CTNNA3: variants seen among roughly 807,000 people sequenced by gnomAD.
The protein encoded by CTNNA3 is catenin alpha-3.
A neutral mutation model predicts 95.7 loss-of-function variants in CTNNA3; 76 were observed. That is an observed-to-expected ratio of 0.79 (90% CI 0.66 to 0.96). The LOEUF (loss-of-function observed/expected upper bound fraction) is 0.96, where lower values mean the gene tolerates loss of function less well. CTNNA3 is among the 40% of genes least tolerant of loss of function. The probability of loss-of-function intolerance (pLI) is 0.00; values close to 1 mark genes in which losing one functional copy is unlikely to be tolerated. For missense variants in CTNNA3, 1,191 were observed against 1,089.8 expected (o/e 1.09, Z -1.31); for synonymous variants, 431 against 374.4 (o/e 1.15, Z -1.74).
chr10:67,466,165 C>T (rs1847585903), intron 5 of CTNNA3, among the ~76,000 whole-genome samples: 1 of 152,126 alleles, frequency 6.6e-6, no homozygotes, highest in Non-Finnish European at 1.5e-5. Context: ...AAAATTTTCT[C>T]TCTTCATCTG....
intron 1 of CTNNA3, among the ~76,000 whole-genome samples, chr10:67,676,351 A>G (rs774682300): frequency 2.5e-4 from 38 of 152,324 alleles, no homozygotes; most frequent in Middle Eastern, 3.4e-3. Flanking sequence ...AAACTTTCAC[A>G]GAACTGAACA....
At chr10:65,954,343 T>C (rs1268567858) in intron 17 of CTNNA3, among the ~76,000 whole-genome samples, 1 of 152,242 alleles carries the variant, frequency 6.6e-6, no homozygotes. Flanking sequence ...GGTTGCCTGC[T>C]CACTCTGATG....
chr10:67,446,060 A>C (rs1398313044), intron 5 of CTNNA3, among the ~76,000 whole-genome samples: 1 of 152,222 alleles, frequency 6.6e-6, no homozygotes, highest in Non-Finnish European at 1.5e-5. Flanking sequence ...CTTTCATTCA[A>C]CAAACGCGAG....
At chr10:67,762,144 A>C (rs1841464689) in intron 1 of CTNNA3, among the ~76,000 whole-genome samples, 1 of 151,252 alleles carries the variant, frequency 6.6e-6, no homozygotes, top group African/African-American at 2.4e-5. Flanking sequence ...GGGAATCAAC[A>C]ATTTTGATCT....
At chr10:67,426,171 A>G (rs1336677010) in intron 5 of CTNNA3, among the ~76,000 whole-genome samples, 3 of 152,096 alleles carry the variant, frequency 2.0e-5, no homozygotes, top group African/African-American at 7.2e-5. Context: ...TTGAACTAAC[A>G]TATGAAGAGA....
chr10:67,528,062 T>C (rs1224276363), intron 4 of CTNNA3, among the ~76,000 whole-genome samples: 1 of 152,222 alleles, frequency 6.6e-6, no homozygotes, highest in Non-Finnish European at 1.5e-5. Flanking sequence ...TGGCTCCTTC[T>C]GACTCTTTTT....
At chr10:66,924,678 C>T (rs899971532) in intron 7 of CTNNA3, among the ~76,000 whole-genome samples, 6 of 152,246 alleles carry the variant, frequency 3.9e-5, no homozygotes, top group Non-Finnish European at 7.4e-5. Context: ...ATATTCAGTA[C>T]GTAATCCTAG....
At chr10:67,226,611 A>G (rs1186798794) in intron 5 of CTNNA3, among the ~76,000 whole-genome samples, 1 of 152,208 alleles carries the variant, frequency 6.6e-6, no homozygotes, top group Non-Finnish European at 1.5e-5. Flanking sequence ...AGAATTTTGT[A>G]TCCAGTGAAA....
intron 3 of CTNNA3, among the ~76,000 whole-genome samples, chr10:67,594,240 G>A (rs1280278285): frequency 1.3e-5 from 2 of 152,132 alleles, no homozygotes; most frequent in Non-Finnish European, 2.9e-5. Flanking sequence ...TCTCTGCCAG[G>A]TTTTGGTGTC....
chr10:66,349,114 G>A (rs1248717210), intron 12 of CTNNA3, among the ~76,000 whole-genome samples: 1 of 152,056 alleles, frequency 6.6e-6, no homozygotes, highest in African/African-American at 2.4e-5. Context: ...TGTCCTGATG[G>A]AGTCTCTCTC....
chr10:66,297,273 G>A (rs2091794366), intron 12 of CTNNA3, among the ~76,000 whole-genome samples: 1 of 152,004 alleles, frequency 6.6e-6, no homozygotes, highest in Non-Finnish European at 1.5e-5. Context: ...CGGATCTACA[G>A]ATTCCACATA....
intron 5 of CTNNA3, among the ~76,000 whole-genome samples, chr10:67,422,374 G>A (rs1254692984): frequency 6.6e-6 from 1 of 152,168 alleles, no homozygotes; most frequent in Non-Finnish European, 1.5e-5. Context: ...AAGGAAGAGA[G>A]AGAGAATGAG....
intron 3 of CTNNA3, among the ~76,000 whole-genome samples, chr10:67,568,232 G>GTT (rs61503691): frequency 0.017 from 2,527 of 145,388 alleles, 59 homozygotes; most frequent in African/African-American, 0.05. Context: ...GCTACAGACT[G>GTT]TTTTTTTTTT....
rs534944482 is a variant in CTNNA3, at chr10:67,265,668, A to G, written c.580-45798T>C. 8.3e-4 allele frequency among the ~76,000 whole-genome samples: 126 copies of G among 152,310 alleles called. 1 individual carries two copies. Among genetic ancestry groups the G allele is most frequent in the African/African-American group, 3.0e-3 (123 of 41,578 alleles). On this transcript the variant is annotated intron_variant, in intron 5 of 17. Coordinates refer to ENST00000433211, the MANE Select transcript of CTNNA3 (RefSeq NM_013266.4). ...GGATAAATTTAACTGGAGTAGCTCA[A>G]CACTCAGAGACATCAGGTACTGTGA...
chr10:67,761,292 GCCA>G lies in CTNNA3; in HGVS notation c.-2+2139_-2+2141del, dbSNP rs370759711. 1.3e-3 allele frequency among the ~76,000 whole-genome samples: 191 copies of G among 152,238 alleles called. 4 individuals are homozygous for G. In the East Asian group the frequency reaches 0.03, roughly 24 times the overall value. On this transcript the variant is annotated intron_variant, in intron 1 of 17. Transcript: ENST00000684154. ...GTGAACTTGGGCAAGCTATTCATGG[GCCA>G]CGGTTTCCTGCCTGTAGATGAAGAG...
intron 9 of CTNNA3, among the ~76,000 whole-genome samples, chr10:66,689,982 G>A (rs1847456495): frequency 6.6e-6 from 1 of 152,074 alleles, no homozygotes; most frequent in Admixed American, 6.6e-5. Context: ...GGAAATTTCT[G>A]AAAATAGAAC....
chr10:66,722,100 C>A (rs939143194), intron 9 of CTNNA3, among the ~76,000 whole-genome samples: 1 of 152,066 alleles, frequency 6.6e-6, no homozygotes, highest in South Asian at 2.1e-4. Context: ...TGCTAAAGGC[C>A]GGGTGCGGTG....
chr10:66,817,282 C>T lies in CTNNA3; in HGVS notation c.1048-41758G>A, dbSNP rs141606501. Among the ~76,000 whole-genome samples the T allele has an allele frequency of 4.2e-3, 626 of 149,172 alleles. 5 individuals carry two copies. The highest frequency in any genetic ancestry group is 0.014 in the African/African-American group (569 of 41,388). On this transcript the variant is annotated intron_variant, in intron 7 of 17. Coordinates refer to ENST00000433211, the MANE Select transcript of CTNNA3 (RefSeq NM_013266.4). ...AACAAGTTAGCAAAAGAAGAGCAAACTAAACCCAAATCAAGAAAATAATAA... is the reference window on the plus strand; with the variant it reads ...AACAAGTTAGCAAAAGAAGAGCAAATTAAACCCAAATCAAGAAAATAATAA...
chr10:66,868,597 A>G (rs1160157619), intron 7 of CTNNA3, among the ~76,000 whole-genome samples: 1 of 151,348 alleles, frequency 6.6e-6, no homozygotes, highest in Non-Finnish European at 1.5e-5. Flanking sequence ...CTAAAAATAC[A>G]AAAATTAGCC....
Sources: allele counts gnomAD v4.1 joint callset (sites outside exome capture counted in the v4.1 genomes callset), GRCh38; gene constraint gnomAD v4.1.1; transcripts MANE v1.5; gene names NCBI Gene and HGNC (gene_info 2026-07-23, HGNC 2026-07-21).